PARP8: variants seen among roughly 807,000 people sequenced by gnomAD.
PARP8 encodes protein mono-ADP-ribosyltransferase PARP8.
In PARP8, 51 loss-of-function variants were observed where a neutral mutation model predicts 124.1. The ratio of observed to expected loss-of-function variants is 0.41; its 90% CI spans 0.33 to 0.52. The LOEUF (loss-of-function observed/expected upper bound fraction) is 0.52, where lower values mean the gene tolerates loss of function less well. PARP8 is among the 20% of genes least tolerant of loss of function. The pLI is 0.21. For synonymous variants in PARP8, 391 were observed against 361.5 expected (o/e 1.08, Z -0.93); for missense variants, 860 against 1,018.9 (o/e 0.84, Z 2.12).
intron 2 of PARP8, among the ~76,000 whole-genome samples, chr5:50,680,133 C>A (rs1751120266): frequency 6.6e-6 from 1 of 152,102 alleles, no homozygotes; most frequent in African/African-American, 2.4e-5. Flanking sequence ...TGTACAGATT[C>A]TGTGGGAGAG....
At chr5:50,812,727 G>A (rs370356130) in intron 14 of PARP8, among the ~76,000 whole-genome samples, 12 of 151,528 alleles carry the variant, frequency 7.9e-5, no homozygotes, top group South Asian at 4.2e-4. Flanking sequence ...ATGGTTTTAG[G>A]TGTAGCATTT....
chr5:50,769,408 A>G (rs940839777), intron 7 of PARP8, among the ~76,000 whole-genome samples: 1 of 152,070 alleles, frequency 6.6e-6, no homozygotes, highest in Non-Finnish European at 1.5e-5. Flanking sequence ...ATGTCTGATG[A>G]TGATGAGAAT....
chr5:50,680,411 C>T (rs1324546562), intron 2 of PARP8, among the ~76,000 whole-genome samples: 1 of 152,126 alleles, frequency 6.6e-6, no homozygotes. Flanking sequence ...TAGTGCTCCT[C>T]TGTTTACTGT....
intron 2 of PARP8, among the ~76,000 whole-genome samples, chr5:50,711,569 T>C (rs1000304690): frequency 3.9e-5 from 6 of 152,138 alleles, no homozygotes; most frequent in African/African-American, 1.4e-4. Context: ...AGATGTAGTT[T>C]GAAACTGCTG....
intron 2 of PARP8, among the ~76,000 whole-genome samples, chr5:50,690,806 TATAA>T (rs1256018010): frequency 6.6e-6 from 1 of 152,164 alleles, no homozygotes; most frequent in Non-Finnish European, 1.5e-5. Context: ...ACATACATGG[TATAA>T]ATAATGTTAA....
intron 7 of PARP8, among the ~76,000 whole-genome samples, chr5:50,769,118 A>C (rs1761339468): frequency 6.6e-6 from 1 of 152,164 alleles, no homozygotes; most frequent in African/African-American, 2.4e-5. Flanking sequence ...TTTAACCAAA[A>C]GGTCATTTAA....
intron 2 of PARP8, 80 bp from the exon 3 acceptor site, chr5:50,750,071 G>T (rs557914432): frequency 2.7e-6 from 3 of 1,113,208 alleles, no homozygotes; most frequent in South Asian, 2.6e-5. Context: ...GGGTAACATG[G>T]GTTTGGTTTG....
At chr5:50,781,485 T>A (rs1740670649) in intron 9 of PARP8, among the ~76,000 whole-genome samples, 1 of 152,158 alleles carries the variant, frequency 6.6e-6, no homozygotes, top group Admixed American at 6.5e-5. Flanking sequence ...GAAAGAGAAT[T>A]CCACACTGAC....
At chr5:50,753,924 A>G (rs575642627) in intron 3 of PARP8, among the ~76,000 whole-genome samples, 1 of 151,364 alleles carries the variant, frequency 6.6e-6, no homozygotes, top group East Asian at 1.9e-4. Flanking sequence ...AGTTCTGGTA[A>G]TGCTTTGCAT....
chr5:50,686,798 A>T lies in PARP8; in HGVS notation c.146+18673A>T, dbSNP rs1324052338. 2.0e-5 allele frequency among the ~76,000 whole-genome samples: 3 copies of T among 152,102 alleles called. No homozygotes were observed. In the East Asian group the frequency reaches 5.8e-4, roughly 29 times the overall value. ...CCTCTGAAGCAACAGCCTGAGCTAT[A>T]CCTTGGGTCCTTTCAGTCAGGGTTG... On this transcript the variant is annotated intron_variant, in intron 2 of 25. Transcript: ENST00000281631.
intron 20 of PARP8, 108 bp downstream of exon 20, chr5:50,828,164 A>C: frequency 8.9e-7 from 1 of 1,124,422 alleles, no homozygotes; most frequent in Non-Finnish European, 1.3e-6. Flanking sequence ...GTAGATGGTC[A>C]TTCAACAGAT....
intron 7 of PARP8, among the ~76,000 whole-genome samples, chr5:50,768,979 A>C (rs1395829413): frequency 6.6e-6 from 1 of 152,238 alleles, no homozygotes; most frequent in African/African-American, 2.4e-5. Flanking sequence ...TGCAGAATCC[A>C]GTTAATTGCA....
chr5:50,746,812 A>G (rs1410155305), intron 2 of PARP8, among the ~76,000 whole-genome samples: 10 of 152,180 alleles, frequency 6.6e-5, no homozygotes, highest in Admixed American at 4.6e-4. Context: ...AGATCACTTG[A>G]GGCCAGATGT....
intron 2 of PARP8, among the ~76,000 whole-genome samples, chr5:50,731,985 C>T (rs1429228219): frequency 6.6e-6 from 1 of 152,078 alleles, no homozygotes; most frequent in Non-Finnish European, 1.5e-5. Flanking sequence ...TTTAATGACA[C>T]GGTTTCTTAC....
chr5:50,686,816 C>T (rs1259125971), intron 2 of PARP8, among the ~76,000 whole-genome samples: 5 of 152,162 alleles, frequency 3.3e-5, no homozygotes, highest in African/African-American at 1.2e-4. Context: ...TCCTTTCAGT[C>T]AGGGTTGCAG....
At chr5:50,710,986 T>A (rs1754714683) in intron 2 of PARP8, among the ~76,000 whole-genome samples, 1 of 152,180 alleles carries the variant, frequency 6.6e-6, no homozygotes, top group Non-Finnish European at 1.5e-5. Flanking sequence ...TGCCTGTGCA[T>A]ACAATCAAAT....
intron 2 of PARP8, among the ~76,000 whole-genome samples, chr5:50,683,024 G>C (rs13159239): frequency 0.067 from 10,194 of 152,076 alleles, 379 homozygotes; most frequent in Middle Eastern, 0.11. Flanking sequence ...GGAGGAGGAA[G>C]GGCTGAAAAG....
In PARP8 at chr5:50,795,476, T is replaced by G. The variant is rs1316251578; in HGVS notation, c.1428+59T>G. 1.6e-5 allele frequency: 23 copies of G among 1,401,872 alleles called. No homozygotes were observed. The East Asian group carries it at 5.5e-4, about 34-fold the overall frequency. 86.8% of individuals were successfully genotyped at this position (1,401,872 alleles called of 1,614,324 possible). A position where few individuals can be genotyped will look rare whatever the true frequency, so the allele number is the denominator to read the frequency against. ...GTTAGCTAAGGTGCAGTAGAATTTT[T>G]TTTTTCTTATAAGATCTGGTGGAGA... is the stretch of plus-strand genomic sequence containing the variant. On this transcript the variant is annotated intron_variant, in intron 12 of 25. Coordinates refer to ENST00000281631, the MANE Select transcript of PARP8 (RefSeq NM_024615.4).
At chr5:50,779,701 T>G (rs1740451264) in intron 9 of PARP8, among the ~76,000 whole-genome samples, 1 of 152,192 alleles carries the variant, frequency 6.6e-6, no homozygotes, top group African/African-American at 2.4e-5. Context: ...GACAGCACCT[T>G]GTGAAATCAT....
Sources: gnomAD v4.1 joint callset for allele counts (sites outside exome capture counted in the v4.1 genomes callset) on GRCh38, gnomAD v4.1.1 for gene constraint, MANE v1.5 for transcripts, NCBI Gene and HGNC (gene_info 2026-07-23, HGNC 2026-07-21) for gene names.